Variants in MAMDC2 observed in about 807,000 individuals in gnomAD.
MAMDC2 encodes MAM domain containing 2, also known as MAM domain-containing protein 2.
In MAMDC2, 57 loss-of-function variants were observed where a neutral mutation model predicts 89.8. That is an observed-to-expected ratio of 0.63 (90% CI 0.51 to 0.79). The LOEUF is 0.79. Among genes scored for constraint, MAMDC2 ranks in the 30% least tolerant of loss-of-function variants. The probability of loss-of-function intolerance (pLI) is 0.00; values close to 1 mark genes in which losing one functional copy is unlikely to be tolerated. For missense variants in MAMDC2, 800 were observed against 820.6 expected (o/e 0.97, Z 0.31); for synonymous variants, 313 against 293.4 (o/e 1.07, Z -0.68).
At chr9:70,075,016 T>G (rs1398495691) in intron 2 of MAMDC2, among the ~76,000 whole-genome samples, 2 of 152,102 alleles carry the variant, frequency 1.3e-5, no homozygotes, top group African/African-American at 4.8e-5. Context: ...TGGGGAAAAT[T>G]GATATTGAGG....
chr9:70,091,239 T>TGAGA (rs1316893933), intron 2 of MAMDC2, among the ~76,000 whole-genome samples: 6 of 152,188 alleles, frequency 3.9e-5, no homozygotes, highest in African/African-American at 1.4e-4. Flanking sequence ...CCTGGAACAC[T>TGAGA]GAGAGACATC....
intron 11 of MAMDC2, chr9:70,171,855 C>CTT (rs2032359332): frequency 2.0e-5 from 3 of 152,118 alleles, no homozygotes; most frequent in Non-Finnish European, 2.9e-5. Flanking sequence ...AAAAAAAATT[C>CTT]TCATAATGTT....
intron 2 of MAMDC2, among the ~76,000 whole-genome samples, chr9:70,047,283 C>G (rs1019218630): frequency 6.6e-6 from 1 of 151,894 alleles, no homozygotes; most frequent in Admixed American, 6.6e-5. Flanking sequence ...TTTGCTGCAC[C>G]TATCATCCCG....
chr9:70,174,786 G>A (rs1587544152), intron 11 of MAMDC2, among the ~76,000 whole-genome samples: 1 of 149,512 alleles, frequency 6.7e-6, no homozygotes, highest in South Asian at 2.1e-4. Context: ...GTGCTGTGGT[G>A]TGATCTCAGC....
At chr9:70,170,448 A>C (rs1004677681) in intron 10 of MAMDC2, 31 bp from the exon 11 acceptor site, 1 of 1,580,718 alleles carries the variant, frequency 6.3e-7, no homozygotes. Context: ...AAAGAGTCTC[A>C]GTGATTGCAA....
chr9:70,049,034 A>G (rs1007127), intron 2 of MAMDC2, among the ~76,000 whole-genome samples: 53,150 of 152,058 alleles, frequency 0.35, 10,549 homozygotes, highest in African/African-American at 0.54. Flanking sequence ...GTGAACAGGA[A>G]GTAAAAAGAG....
intron 11 of MAMDC2, among the ~76,000 whole-genome samples, chr9:70,197,668 A>G (rs2032999690): frequency 6.6e-6 from 1 of 152,172 alleles, no homozygotes; most frequent in Non-Finnish European, 1.5e-5. Flanking sequence ...ATGAGTTAAA[A>G]AGAAAGAGAC....
chr9:70,209,484 T>C (rs1252605815), intron 11 of MAMDC2, among the ~76,000 whole-genome samples: 1 of 152,218 alleles, frequency 6.6e-6, no homozygotes, highest in East Asian at 1.9e-4. Context: ...ATATTCCCTT[T>C]ATCATTTTTT....
At chr9:70,206,511 T>C (rs918614398) in intron 11 of MAMDC2, among the ~76,000 whole-genome samples, 1 of 152,110 alleles carries the variant, frequency 6.6e-6, no homozygotes, top group Non-Finnish European at 1.5e-5. Context: ...CCAAAATTAT[T>C]CAAGAAAAGT....
rs1031603426 is a variant in MAMDC2 at position 70,147,355 on chromosome 9, A to G, written c.1404+3536A>G. Reference sequence around the variant, plus strand: ...TCCTGATTCACTGATGGCTTCCTCTATAACTCTATATTTCCACCTCTGTTT... The same window carrying G: ...TCCTGATTCACTGATGGCTTCCTCTGTAACTCTATATTTCCACCTCTGTTT... On this transcript the variant is annotated intron_variant, in intron 9 of 13. Transcript: ENST00000377182. Among the ~76,000 whole-genome samples, 9 of 150,294 alleles carry G rather than the reference A, an allele frequency of 6.0e-5. 1 individual carries two copies. Among genetic ancestry groups the G allele is most frequent in the Admixed American group, 4.0e-4 (6 of 15,024 alleles).
chr9:70,108,769 C>T (rs183853000), intron 3 of MAMDC2, among the ~76,000 whole-genome samples: 1 of 152,306 alleles, frequency 6.6e-6, no homozygotes, highest in East Asian at 1.9e-4. Context: ...TTTTCTATGG[C>T]TTTAGGGAGT....
intron 11 of MAMDC2, among the ~76,000 whole-genome samples, chr9:70,198,952 G>T (rs1587563029): frequency 6.6e-6 from 1 of 152,136 alleles, no homozygotes; most frequent in East Asian, 1.9e-4. Context: ...ATTCAGACAT[G>T]TAGGAATGCT....
chr9:70,125,678 A>G (rs1318603364), intron 5 of MAMDC2, among the ~76,000 whole-genome samples: 1 of 152,216 alleles, frequency 6.6e-6, no homozygotes, highest in Non-Finnish European at 1.5e-5. Context: ...GACATCTTGC[A>G]TTAATTGTAA....
At chr9:70,146,612 C>T (rs141295868) in intron 9 of MAMDC2, among the ~76,000 whole-genome samples, 93 of 152,192 alleles carry the variant, frequency 6.1e-4, no homozygotes, top group African/African-American at 1.8e-3. Flanking sequence ...CAGAGTTTCC[C>T]TCACTAGTCC....
intron 11 of MAMDC2, among the ~76,000 whole-genome samples, chr9:70,208,196 G>A (rs889656991): frequency 2.8e-4 from 43 of 152,098 alleles, no homozygotes; most frequent in African/African-American, 9.7e-4. Context: ...GATGGGGATG[G>A]CATTGAATCT....
intron 2 of MAMDC2, among the ~76,000 whole-genome samples, chr9:70,054,413 A>T (rs1464683524): frequency 1.3e-5 from 2 of 152,022 alleles, no homozygotes; most frequent in African/African-American, 4.8e-5. Flanking sequence ...GAAGCAAAGG[A>T]GTTAGGATTT....
rs1356121984 is a variant in MAMDC2 at position 70,226,802 on chromosome 9, T to C, written c.*770T>C. 1 of 152,116 alleles carries C rather than the reference T, an allele frequency of 6.6e-6. No individual in the cohort carries two copies. The highest frequency in any genetic ancestry group is 1.5e-5 in the Non-Finnish European group (1 of 67,936). 9.4% of individuals were successfully genotyped at this position (152,116 alleles called of 1,614,324 possible). ...CTTTTATAAATGTGTTAAACAATTTTACTGATTTTTATAATAAATATTTTG... is the reference window on the plus strand; with the variant it reads ...CTTTTATAAATGTGTTAAACAATTTCACTGATTTTTATAATAAATATTTTG... On this transcript the variant is annotated 3_prime_UTR_variant, in exon 14 of 14. Coordinates refer to ENST00000377182, the MANE Select transcript of MAMDC2 (RefSeq NM_153267.5).
At position 70,226,812 on chromosome 9, in the gene MAMDC2, T is replaced by C. The variant is rs916938066; in HGVS notation, c.*780T>C. 1.3e-5 allele frequency: 2 copies of C among 152,128 alleles called. No individual in the cohort carries two copies. Among genetic ancestry groups the C allele is most frequent in the African/African-American group, 4.8e-5 (2 of 41,462 alleles). The allele number at this position is 152,128 out of a possible 1,614,324, so 9.4% of individuals were successfully genotyped here. ...TGTGTTAAACAATTTTACTGATTTT[T>C]ATAATAAATATTTTGGTAAGATTTT... On this transcript the variant is annotated 3_prime_UTR_variant, in exon 14 of 14. Transcript: ENST00000377182.
At chr9:70,061,930 T>C (rs952244280) in intron 2 of MAMDC2, among the ~76,000 whole-genome samples, 2 of 152,176 alleles carry the variant, frequency 1.3e-5, no homozygotes, top group African/African-American at 4.8e-5. Context: ...CCTTTCCTGT[T>C]GTCCATCTGA....
Sources: allele counts gnomAD v4.1 joint callset (sites outside exome capture counted in the v4.1 genomes callset), GRCh38; gene constraint gnomAD v4.1.1; transcripts MANE v1.5; gene names NCBI Gene and HGNC (gene_info 2026-07-23, HGNC 2026-07-21).